PTGR1: variants seen among roughly 807,000 people sequenced by gnomAD.
The protein encoded by PTGR1 is prostaglandin reductase 1, also known as 15-oxoprostaglandin 13-reductase.
PTGR1 carries 23 observed loss-of-function variants against 37.7 expected under a neutral mutation model. That is an observed-to-expected ratio of 0.61 (90% confidence interval 0.44 to 0.86). The LOEUF is 0.86. Ranked by LOEUF, PTGR1 falls within the 40% of genes least tolerant of loss-of-function variation. The pLI is 0.00. For missense variants in PTGR1, 351 were observed against 394.3 expected (o/e 0.89, Z 0.93); for synonymous variants, 134 against 140.0 (o/e 0.96, Z 0.30).
At chr9:111,554,786 G>A (rs971737933) in intron 9 of PTGR1, among the ~76,000 whole-genome samples, 1 of 152,134 alleles carries the variant, frequency 6.6e-6, no homozygotes, top group Non-Finnish European at 1.5e-5. Context: ...CTGAAACCAC[G>A]GAAAGTGAAA....
At chr9:111,569,518 C>T (rs1828715592) in intron 9 of PTGR1, among the ~76,000 whole-genome samples, 1 of 152,182 alleles carries the variant, frequency 6.6e-6, no homozygotes, top group Non-Finnish European at 1.5e-5. Flanking sequence ...TGGCTCACAA[C>T]TGTAACCCCA....
chr9:111,574,873 T>C (rs766273165), intron 7 of PTGR1, 31 bp from the exon 8 acceptor site: 3 of 1,483,530 alleles, frequency 2.0e-6, no homozygotes, highest in Non-Finnish European at 2.8e-6. Flanking sequence ...AAATGTTAAA[T>C]AATCTAAATA....
rs1312035720 is a variant in PTGR1 at position 111,563,206 on chromosome 9, A to G, written c.905T>C (p.Ile302Thr). Reference protein sequence around the residue: ...LEGKIQYKEYIIEGFENMPAA... With the variant: ...LEGKIQYKEYTIEGFENMPAA... ...TGGCATGTTTTCAAATCCTTCAATG[A>G]TATATTCCTTGTACTGGATTTTACC... The change falls in exon 10 of 10, where the codon ATC (isoleucine) becomes ACC (threonine). Residue 302 changes from isoleucine (I) to threonine (T), a missense_variant. Transcript: ENST00000407693. 7 of 1,613,682 alleles carry G rather than the reference A, an allele frequency of 4.3e-6. No individual in the cohort carries two copies. Among genetic ancestry groups the G allele is most frequent in the Non-Finnish European group, 5.9e-6 (7 of 1,179,890 alleles).
At chr9:111,568,339 G>A (rs1036597181) in intron 9 of PTGR1, among the ~76,000 whole-genome samples, 1 of 152,104 alleles carries the variant, frequency 6.6e-6, no homozygotes, top group Non-Finnish European at 1.5e-5. Flanking sequence ...TTTGAGATAA[G>A]CACTGAAATA....
chr9:111,564,993 G>A (rs1589292657), intron 9 of PTGR1, among the ~76,000 whole-genome samples: 1 of 151,934 alleles, frequency 6.6e-6, no homozygotes, highest in South Asian at 2.1e-4. Flanking sequence ...GCGTGGTGGC[G>A]TGTACCTGTA....
intron 1 of PTGR1, among the ~76,000 whole-genome samples, chr9:111,598,943 C>T (rs1421056166): frequency 1.3e-5 from 2 of 152,224 alleles, no homozygotes; most frequent in East Asian, 3.8e-4. Context: ...AACAAGCCCC[C>T]ATTCCCCCCC....
chr9:111,561,102 T>TAGAGAG (rs1448011286), downstream of PTGR1, among the ~76,000 whole-genome samples: 3 of 29,338 alleles, frequency 1.0e-4, no homozygotes, highest in African/African-American at 5.6e-4. Flanking sequence ...TATATATATA[T>TAGAGAG]ATATATATAG....
At chr9:111,588,773 A>C (rs1297757458) in intron 4 of PTGR1, among the ~76,000 whole-genome samples, 1 of 147,426 alleles carries the variant, frequency 6.8e-6, no homozygotes, top group Non-Finnish European at 1.5e-5. Flanking sequence ...TGATCCACCC[A>C]CCTCAGCCTC....
chr9:111,561,890 TTTG>T (rs1359829244), downstream of PTGR1, among the ~76,000 whole-genome samples: 1 of 152,208 alleles, frequency 6.6e-6, no homozygotes, highest in Non-Finnish European at 1.5e-5. Flanking sequence ...TTTGTTTTGT[TTTG>T]TTTTTTTCTG....
At chr9:111,570,614 TA>T (rs75586959) in intron 8 of PTGR1, among the ~76,000 whole-genome samples, 601 of 138,580 alleles carry the variant, frequency 4.3e-3, no homozygotes, top group Non-Finnish European at 4.4e-3. Flanking sequence ...TTCTAAAAAT[TA>T]AAAAAAAAAA....
At position 111,563,109 on chromosome 9, in the gene PTGR1, G is replaced by A. The variant is rs757589954; in HGVS notation, c.*12C>T. On this transcript the variant is annotated 3_prime_UTR_variant, in exon 10 of 10. Coordinates refer to ENST00000407693, the MANE Select transcript of PTGR1 (RefSeq NM_001146108.2). ...CATCTAAATGGCCTCCAGATTCCATGTGTCCTCTTTTTCATGCTTTCACTA... is the reference window on the plus strand; with the variant it reads ...CATCTAAATGGCCTCCAGATTCCATATGTCCTCTTTTTCATGCTTTCACTA... The A allele has an allele frequency of 4.3e-6, 7 of 1,611,608 alleles. No individual in the cohort carries two copies. In the African/African-American group the frequency reaches 5.3e-5, roughly 12 times the overall value.
chr9:111,582,560 C>G (rs971286983), intron 6 of PTGR1, among the ~76,000 whole-genome samples: 2 of 152,190 alleles, frequency 1.3e-5, no homozygotes, highest in African/African-American at 4.8e-5. Flanking sequence ...AAAGCTTATT[C>G]TGCAAATGTC....
exon 10 of PTGR1, chr9:111,549,766 T>G (rs1827885218): frequency 1.3e-6 from 2 of 1,550,318 alleles, no homozygotes; most frequent in Non-Finnish European, 1.7e-6. Flanking sequence ...TTTTCTGCTT[T>G]GAAGCTTCAA....
intron 5 of PTGR1, 91 bp downstream of exon 5, chr9:111,585,907 T>C: frequency 6.9e-7 from 1 of 1,457,932 alleles, no homozygotes; most frequent in Middle Eastern, 1.9e-4. Flanking sequence ...ATGCATCAAA[T>C]ATCTTCCTGT....
At chr9:111,588,987 T>C (rs1332691180) in intron 4 of PTGR1, among the ~76,000 whole-genome samples, 1 of 152,188 alleles carries the variant, frequency 6.6e-6, no homozygotes, top group East Asian at 1.9e-4. Context: ...CTATAAATGG[T>C]ATTACTAGGT....
chr9:111,561,815 T>C (rs369650302), downstream of PTGR1, among the ~76,000 whole-genome samples: 3 of 152,244 alleles, frequency 2.0e-5, no homozygotes, highest in Non-Finnish European at 4.4e-5. Context: ...AAATCACTGA[T>C]ATCGGCAGGG....
chr9:111,571,236 AC>A (rs1292902729), intron 8 of PTGR1, among the ~76,000 whole-genome samples: 2 of 148,970 alleles, frequency 1.3e-5, no homozygotes, highest in African/African-American at 4.9e-5. Context: ...ACATGGTGAA[AC>A]CCTGTCTCTA....
At chr9:111,580,981 G>A (rs2132402058) in intron 6 of PTGR1, among the ~76,000 whole-genome samples, 1 of 152,228 alleles carries the variant, frequency 6.6e-6, no homozygotes, top group African/African-American at 2.4e-5. Flanking sequence ...AGTCTCCAGT[G>A]GAATTTCTAC....
At chr9:111,594,296 T>C (rs1829711921) in intron 2 of PTGR1, 29 bp from the exon 3 acceptor site, 2 of 1,601,346 alleles carry the variant, frequency 1.2e-6, no homozygotes, top group East Asian at 2.2e-5. Context: ...CATAGGCAAT[T>C]AGAAACTCAA....
Sources: gnomAD v4.1 joint callset for allele counts (sites outside exome capture counted in the v4.1 genomes callset) on GRCh38, gnomAD v4.1.1 for gene constraint, MANE v1.5 for transcripts, NCBI Gene and HGNC (gene_info 2026-07-23, HGNC 2026-07-21) for gene names.